The following WDFY2 variants were observed in gnomAD, a reference collection of about 807,000 sequenced individuals.
The protein encoded by WDFY2 is WD repeat and FYVE domain containing 2.
A neutral mutation model predicts 56.4 loss-of-function variants in WDFY2; 36 were observed. That is an observed-to-expected ratio of 0.64 (90% CI 0.49 to 0.84). The LOEUF is 0.84. WDFY2 is among the 40% of genes least tolerant of loss of function. WDFY2 has a pLI of 0.00. For missense variants in WDFY2, 444 were observed against 512.2 expected (o/e 0.87, Z 1.29); for synonymous variants, 176 against 183.7 (o/e 0.96, Z 0.34).
At chr13:51,628,544 G>A (rs527982579) in intron 1 of WDFY2, among the ~76,000 whole-genome samples, 29 of 152,288 alleles carry the variant, frequency 1.9e-4, no homozygotes, top group African/African-American at 5.1e-4. Flanking sequence ...CCACCAACTC[G>A]GTAGGGGGCA....
intron 5 of WDFY2, among the ~76,000 whole-genome samples, chr13:51,726,797 A>G (rs1952614661): frequency 1.3e-5 from 2 of 152,182 alleles, no homozygotes; most frequent in African/African-American, 4.8e-5. Flanking sequence ...ATCTATTAAT[A>G]GTTCCATTCA....
In WDFY2 at chr13:51,765,056, G is replaced by A. The variant is rs1953706448; in HGVS notation, c.*5287G>A. On this transcript the variant is annotated 3_prime_UTR_variant, in exon 12 of 12. Transcript: ENST00000298125. ...TACAATGTGGGAGGTCCTCCTTACA[G>A]GGGCACTTGCAACAGGAAGGCAGAG... 6.6e-6 allele frequency: 1 copy of A among 152,296 alleles called. No homozygotes were observed. 9.4% of individuals were successfully genotyped at this position (152,296 alleles called of 1,614,324 possible).
intron 1 of WDFY2, among the ~76,000 whole-genome samples, chr13:51,593,502 CT>C (rs1954089662): frequency 6.6e-6 from 1 of 152,072 alleles, no homozygotes; most frequent in Non-Finnish European, 1.5e-5. Context: ...CTTTAAAATG[CT>C]TATAGTTATG....
intron 1 of WDFY2, among the ~76,000 whole-genome samples, chr13:51,645,371 G>A (rs745862603): frequency 1.3e-5 from 2 of 151,962 alleles, no homozygotes; most frequent in Admixed American, 1.3e-4. Context: ...AATAACAATT[G>A]TCCCCTGGGA....
At chr13:51,674,863 C>A (rs764021412) in intron 2 of WDFY2, among the ~76,000 whole-genome samples, 25 of 152,126 alleles carry the variant, frequency 1.6e-4, no homozygotes, top group Non-Finnish European at 2.9e-4. Context: ...TTACACAGCA[C>A]AAAGTATTGT....
intron 1 of WDFY2, among the ~76,000 whole-genome samples, chr13:51,646,020 C>G (rs1448255249): frequency 2.6e-5 from 4 of 152,200 alleles, no homozygotes; most frequent in African/African-American, 9.6e-5. Context: ...CAGCCAGCCC[C>G]CAAGTCCTGA....
intron 1 of WDFY2, chr13:51,588,825 A>G (rs1404464898): frequency 2.0e-5 from 3 of 152,184 alleles, no homozygotes; most frequent in African/African-American, 7.2e-5. Context: ...TGACTCTGAT[A>G]GCAAAAATTA....
intron 3 of WDFY2, among the ~76,000 whole-genome samples, chr13:51,675,982 C>T (rs1306817603): frequency 6.6e-6 from 1 of 152,120 alleles, no homozygotes; most frequent in African/African-American, 2.4e-5. Context: ...TAGTCCTGGG[C>T]GAGAGAAGCC....
intron 1 of WDFY2, among the ~76,000 whole-genome samples, chr13:51,650,728 G>A (rs775913727): frequency 1.2e-4 from 19 of 152,164 alleles, no homozygotes; most frequent in South Asian, 2.1e-4. Flanking sequence ...ATTGATTTGC[G>A]TATGTTGAAC....
rs546776712 is a variant in WDFY2 at position 51,761,672 on chromosome 13, G to A, written c.*1903G>A. 1 of 152,326 alleles carries A rather than the reference G, an allele frequency of 6.6e-6. No homozygotes were observed. The highest frequency in any genetic ancestry group is 2.1e-4 in the South Asian group (1 of 4,828). 9.4% of individuals were successfully genotyped at this position (152,326 alleles called of 1,614,324 possible). ...TCATTCATTACTTCTCTAACTAGGG[G>A]GAAGTACTACAAGCTGTCCTCAGGT... On this transcript the variant is annotated 3_prime_UTR_variant, in exon 12 of 12. Coordinates refer to ENST00000298125, the MANE Select transcript of WDFY2 (RefSeq NM_052950.4).
rs1014551779 is a variant in WDFY2, at chr13:51,745,683, G to A, written c.726-5627G>A. Among the ~76,000 whole-genome samples, 12 of 140,034 alleles carry A rather than the reference G, an allele frequency of 8.6e-5. No individual in the cohort carries two copies. In the Admixed American group the frequency reaches 9.2e-4, roughly 11 times the overall value. The allele number at this position is 140,034 out of a possible 152,430, so 91.9% of individuals were successfully genotyped here. On this transcript the variant is annotated intron_variant, in intron 7 of 11. Transcript: ENST00000298125. ...CAAATCTTTCTCAGTTTATCTGACT[G>A]TGCTTCCCCCCTCCTCCCCTGTGAT...
chr13:51,743,724 C>T (rs1264676217), intron 7 of WDFY2, among the ~76,000 whole-genome samples: 2 of 152,136 alleles, frequency 1.3e-5, no homozygotes, highest in Admixed American at 6.5e-5. Flanking sequence ...TTTGTGGAGA[C>T]GTGCTAGAAG....
intron 1 of WDFY2, among the ~76,000 whole-genome samples, chr13:51,594,997 A>T (rs185541629): frequency 2.2e-4 from 33 of 152,172 alleles, no homozygotes; most frequent in African/African-American, 7.5e-4. Context: ...TTGTTTTTGT[A>T]GAGTTCTGAG....
At chr13:51,624,383 A>G (rs1050780350) in intron 1 of WDFY2, among the ~76,000 whole-genome samples, 5 of 152,176 alleles carry the variant, frequency 3.3e-5, no homozygotes, top group South Asian at 2.1e-4. Flanking sequence ...GGAAGTGGCA[A>G]GAGTCTTGTG....
intron 1 of WDFY2, among the ~76,000 whole-genome samples, chr13:51,649,746 A>G (rs1281975409): frequency 6.6e-6 from 1 of 151,818 alleles, no homozygotes. Context: ...TCATGTCCCT[A>G]CAAAGGCTCT....
At chr13:51,631,704 G>A (rs1166714256) in intron 1 of WDFY2, among the ~76,000 whole-genome samples, 3 of 152,058 alleles carry the variant, frequency 2.0e-5, no homozygotes, top group African/African-American at 2.4e-5. Flanking sequence ...ACATTGACAC[G>A]CATTATTTAG....
intron 5 of WDFY2, among the ~76,000 whole-genome samples, chr13:51,720,280 A>G (rs1384483702): frequency 1.3e-5 from 2 of 152,194 alleles, no homozygotes; most frequent in Non-Finnish European, 2.9e-5. Flanking sequence ...TTTTATGTAT[A>G]TATATGCTAA....
Position 51,764,403 on chromosome 13 carries a change from A to G in WDFY2, c.*4634A>G, listed in dbSNP as rs1953682209. ...AGTGTTAAAGGATGAGGAGTGAGTC[A>G]TAAGGGGGAAAAATGGAAATGACTT... is the stretch of plus-strand genomic sequence containing the variant. On this transcript the variant is annotated 3_prime_UTR_variant, in exon 12 of 12. Transcript: ENST00000298125. 1 of 152,776 alleles carries G rather than the reference A, an allele frequency of 6.5e-6. No homozygotes were observed. Among genetic ancestry groups the G allele is most frequent in the East Asian group, 1.9e-4 (1 of 5,186 alleles). 9.5% of individuals were successfully genotyped at this position (152,776 alleles called of 1,614,324 possible).
chr13:51,675,242 C>A lies in WDFY2; in HGVS notation c.278C>A (p.Ser93Ter). The change falls in exon 3 of 12, where the codon TCA becomes TAA. Residue 93 changes from serine (S) to a stop codon, truncating the protein, a stop_gained and splice_region_variant. Coordinates refer to ENST00000298125, the MANE Select transcript of WDFY2 (RefSeq NM_052950.4). LOFTEE classifies it high-confidence loss of function. Reference protein sequence around the residue: ...LSIGLDNGTISEFILSEDYNK... With the variant: ...LSIGLDNGTI ...ATAGGTCTAGACAATGGTACAATCT[C>A]AGTAAGTACACATAAATAAGATTTC... The A allele has an allele frequency of 6.2e-7, 1 of 1,611,558 alleles. No individual in the cohort carries two copies. The highest frequency in any genetic ancestry group is 8.5e-7 in the Non-Finnish European group (1 of 1,177,744).
Sources: allele counts gnomAD v4.1 joint callset (sites outside exome capture counted in the v4.1 genomes callset), GRCh38; gene constraint gnomAD v4.1.1; transcripts MANE v1.5; gene names NCBI Gene and HGNC (gene_info 2026-07-23, HGNC 2026-07-21).